Variants in CD2 observed in about 807,000 individuals in gnomAD.
CD2 encodes CD2 molecule, also known as T-cell surface antigen CD2.
In CD2, 18 loss-of-function variants were observed where a neutral mutation model predicts 23.2. That is an observed-to-expected ratio of 0.77 (90% CI 0.54 to 1.15). CD2 has a LOEUF of 1.15. Among genes scored for constraint, CD2 ranks in the 50% most tolerant of loss-of-function variants. CD2 has a pLI of 0.00. For missense variants in CD2, 424 were observed against 423.1 expected, an observed-to-expected ratio of 1.00 and a Z score of -0.02; for synonymous variants, 162 against 151.9, an observed-to-expected ratio of 1.07 and a Z score of -0.49.
At chr1:116,755,060 C>T in intron 2 of CD2, 109 bp downstream of exon 2, 1 of 742,102 alleles carries the variant, frequency 1.3e-6, no homozygotes, top group South Asian at 1.9e-5. Context: ...TCCAGGGGGG[C>T]TATACAGGAA....
chr1:116,763,406 G>C (rs915609527), intron 3 of CD2, among the ~76,000 whole-genome samples: 3 of 152,138 alleles, frequency 2.0e-5, no homozygotes, highest in African/African-American at 7.2e-5. Flanking sequence ...GTTCCAGTTT[G>C]TTCTTCAGAT....
In CD2 at chr1:116,754,734, C is replaced by T. The variant is rs143289040; in HGVS notation, c.165C>T (p.Asp55=). The change falls in exon 2 of 5, where the codon GAC becomes GAT. Residue 55 remains aspartate, a synonymous_variant. Coordinates refer to ENST00000369478, the MANE Select transcript of CD2 (RefSeq NM_001767.5). ...GTTTTCAAATGAGTGATGATATTGA[C>T]GATATAAAATGGGAAAAAACTTCAG... is the stretch of plus-strand genomic sequence containing the variant. ...IPSFQMSDDI[D]DIKWEKTSDK... 123 of 1,612,658 alleles carry T rather than the reference C, an allele frequency of 7.6e-5. No individual in the cohort carries two copies. Among genetic ancestry groups the T allele is most frequent in the Admixed American group, 2.7e-4 (16 of 59,906 alleles).
Position 116,760,504 on chromosome 1 carries a change from G to A in CD2, c.485G>A (p.Gly162Glu), listed in dbSNP as rs751112569. 1.6e-5 allele frequency: 26 copies of A among 1,614,014 alleles called. No individual in the cohort carries two copies. Among genetic ancestry groups the A allele is most frequent in the Non-Finnish European group, 2.2e-5 (26 of 1,180,010 alleles). ...CCCGAATTAAACCTGTATCAAGATG[G>A]GAAACATCTAAAACTTTCTCAGAGG... Reference protein sequence around the residue: ...TDPELNLYQDGKHLKLSQRVI... With the variant: ...TDPELNLYQDEKHLKLSQRVI... The change falls in exon 3 of 5, where the codon GGG becomes GAG. Residue 162 changes from glycine to glutamate, a missense_variant. Transcript: ENST00000369478.
At chr1:116,762,562 G>T (rs1652089908) in intron 3 of CD2, among the ~76,000 whole-genome samples, 1 of 152,314 alleles carries the variant, frequency 6.6e-6, no homozygotes, top group Non-Finnish European at 1.5e-5. Context: ...AAGGCAGAGA[G>T]GAGCAATGGT....
chr1:116,755,097 G>A (rs2101152853), intron 2 of CD2, 146 bp downstream of exon 2: 1 of 633,968 alleles, frequency 1.6e-6, no homozygotes, highest in Non-Finnish European at 2.8e-6. Context: ...CTGCCCCAGT[G>A]GAGACTGTGG....
Position 116,754,815 on chromosome 1 carries a change from T to G in CD2, c.246T>G (p.Asp82Glu). 1.9e-6 allele frequency: 3 copies of G among 1,612,982 alleles called. No homozygotes were observed. The highest frequency in any genetic ancestry group is 2.5e-6 in the Non-Finnish European group (3 of 1,179,324). The change falls in exon 2 of 5, where the codon GAT becomes GAG. Residue 82 changes from aspartate (D) to glutamate (E), a missense_variant. Physicochemically the swap from Asp to Glu is conservative, Grantham distance 45. Coordinates refer to ENST00000369478, the MANE Select transcript of CD2 (RefSeq NM_001767.5). Reference sequence around the variant, plus strand: ...AGAAAGAGACTTTCAAGGAAAAAGATACATATAAGCTATTTAAAAATGGAA... The same window carrying G: ...AGAAAGAGACTTTCAAGGAAAAAGAGACATATAAGCTATTTAAAAATGGAA... ...RKEKETFKEKDTYKLFKNGTL... is the reference protein window; with the variant it reads ...RKEKETFKEKETYKLFKNGTL...
chr1:116,763,123 T>C (rs1652108780), intron 3 of CD2, among the ~76,000 whole-genome samples: 1 of 152,176 alleles, frequency 6.6e-6, no homozygotes, highest in South Asian at 2.1e-4. Context: ...TGACCCAATT[T>C]CAATGGTTTA....
At chr1:116,758,892 G>T (rs990027771) in intron 2 of CD2, among the ~76,000 whole-genome samples, 1 of 152,192 alleles carries the variant, frequency 6.6e-6, no homozygotes, top group Non-Finnish European at 1.5e-5. Flanking sequence ...CTCATTGCTT[G>T]ACAGGAGCAA....
At chr1:116,761,848 T>G (rs1299151823) in intron 3 of CD2, among the ~76,000 whole-genome samples, 1 of 152,192 alleles carries the variant, frequency 6.6e-6, no homozygotes, top group Non-Finnish European at 1.5e-5. Context: ...CAACTTTTTT[T>G]GAGACAGGGT....
chr1:116,759,622 C>T (rs893891474), intron 2 of CD2, among the ~76,000 whole-genome samples: 4 of 152,166 alleles, frequency 2.6e-5, no homozygotes, highest in Admixed American at 1.3e-4. Flanking sequence ...CAGTGCCTAA[C>T]GATCTGCCCA....
At chr1:116,766,224 T>G (rs769347251) in intron 4 of CD2, among the ~76,000 whole-genome samples, 1 of 152,130 alleles carries the variant, frequency 6.6e-6, no homozygotes. Context: ...GGAGCACACA[T>G]TTAGGCGCCA....
At chr1:116,768,316 T>G in intron 4 of CD2, 148 bp from the exon 5 acceptor site, 1 of 688,066 alleles carries the variant, frequency 1.5e-6, no homozygotes, top group East Asian at 2.7e-5. Flanking sequence ...CCTACAAGCT[T>G]AGAGTTCTCA....
intron 3 of CD2, among the ~76,000 whole-genome samples, chr1:116,762,669 T>G (rs1315106119): frequency 6.6e-6 from 1 of 152,170 alleles, no homozygotes; most frequent in Non-Finnish European, 1.5e-5. Flanking sequence ...CAAAAATAAT[T>G]TGTCACATAA....
chr1:116,764,502 A>C lies in CD2; in HGVS notation c.632A>C (p.Tyr211Ser). 6.2e-7 allele frequency: 1 copy of C among 1,614,016 alleles called. No homozygotes were observed. Residue 211 changes from tyrosine (Y) to serine (S), a missense_variant, in exon 4 of 5, where the codon TAT becomes TCT. Physicochemically the swap from Tyr to Ser is moderately radical, Grantham distance 144. Transcript: ENST00000369478. ...VSCPEKGLDI[Y>S]LIIGICGGGS... is the part of the protein sequence containing the mutation. The stretch of plus-strand genomic sequence containing the variant: ...TTTGCAGAGAAAGGTCTGGACATCT[A>C]TCTCATCATTGGCATATGTGGAGGA...
Position 116,768,627 on chromosome 1 carries a change from T to A in CD2, c.900T>A (p.Pro300=), listed in dbSNP as rs199588776. The A allele has an allele frequency of 6.2e-7, 1 of 1,614,102 alleles. No homozygotes were observed. Among genetic ancestry groups the A allele is most frequent in the Admixed American group, 1.7e-5 (1 of 60,012 alleles). ...CACCTAGTCATCGTCCCCCGCCTCC[T>A]GGACACCGTGTTCAGCACCAGCCTC... The part of the protein sequence containing the change: ...SQAPSHRPPP[P]GHRVQHQPQK... Residue 300 remains proline (P), a synonymous_variant, in exon 5 of 5, where the codon CCT becomes CCA. Transcript: ENST00000369478.
In CD2 at chr1:116,760,641, C is replaced by T. The variant is rs767132885; in HGVS notation, c.613+9C>T. ...GCCTGTCAGCTGTCCAGGTGCGTGG[C>T]GGGCATCACTTCACAAACACAGCCT... On this transcript the variant is annotated intron_variant, in intron 3 of 4. Transcript: ENST00000369478. 32 of 1,607,712 alleles carry T rather than the reference C, an allele frequency of 2.0e-5. No homozygotes were observed. The highest frequency in any genetic ancestry group is 1.3e-4 in the South Asian group (12 of 90,900).
chr1:116,761,688 C>T (rs1020915252), intron 3 of CD2, among the ~76,000 whole-genome samples: 1 of 152,178 alleles, frequency 6.6e-6, no homozygotes, highest in Non-Finnish European at 1.5e-5. Flanking sequence ...GGTGAGAATA[C>T]CAGGAAGCAG....
Position 116,760,576 on chromosome 1 carries a change from G to A in CD2, c.557G>A (p.Cys186Tyr), listed in dbSNP as rs1370342250. The part of the protein sequence containing the change: ...WTTSLSAKFK[C>Y]TAGNKVSKES... ...ACCAGCCTGAGTGCAAAATTCAAGT[G>A]CACAGCAGGGAACAAAGTCAGCAAG... Residue 186 changes from cysteine to tyrosine, a missense_variant, in exon 3 of 5, where the codon TGC becomes TAC. By Grantham distance (194) the Cys-to-Tyr change is radical. Coordinates refer to ENST00000369478, the MANE Select transcript of CD2 (RefSeq NM_001767.5). 1 of 1,614,194 alleles carries A rather than the reference G, an allele frequency of 6.2e-7. No homozygotes were observed. The highest frequency in any genetic ancestry group is 1.3e-5 in the African/African-American group (1 of 75,050).
rs186971808 is a variant in CD2, at chr1:116,757,687, G to A, written c.383-2715G>A. Among the ~76,000 whole-genome samples the A allele has an allele frequency of 4.0e-5, 6 of 151,698 alleles. No individual in the cohort carries two copies. In the East Asian group the frequency reaches 1.2e-3, roughly 29 times the overall value. Reference sequence around the variant, plus strand: ...TCATAATATAATTTCACAATAAAGGGGAAAAGGCAGACTGTAAGATCACAT... The same window carrying A: ...TCATAATATAATTTCACAATAAAGGAGAAAAGGCAGACTGTAAGATCACAT... On this transcript the variant is annotated intron_variant, in intron 2 of 4. Transcript: ENST00000369478.
Sources: gnomAD v4.1 joint callset for allele counts (sites outside exome capture counted in the v4.1 genomes callset) on GRCh38, gnomAD v4.1.1 for gene constraint, MANE v1.5 for transcripts, NCBI Gene and HGNC (gene_info 2026-07-23, HGNC 2026-07-21) for gene names.